Variants in DYNC1H1 observed in about 807,000 individuals in gnomAD.
The protein encoded by DYNC1H1 is dynein cytoplasmic 1 heavy chain 1, also known as cytoplasmic dynein 1 heavy chain 1.
A neutral mutation model predicts 527.1 loss-of-function variants in DYNC1H1; 51 were observed. That is an observed-to-expected ratio of 0.10 (90% CI 0.08 to 0.12). DYNC1H1 has a LOEUF of 0.12. Among genes scored for constraint, DYNC1H1 ranks in the 10% least tolerant of loss-of-function variants. The pLI is 1.00. For missense variants in DYNC1H1, 2,771 were observed against 5,971.8 expected (o/e 0.46, Z 17.66); for synonymous variants, 2,189 against 2,278.8 (o/e 0.96, Z 1.12).
At position 102,010,673 on chromosome 14, in the gene DYNC1H1, C is replaced by G. The variant is rs2048248512; in HGVS notation, c.6406-67C>G. 1.2e-6 allele frequency: 2 copies of G among 1,600,106 alleles called. No homozygotes were observed. Among genetic ancestry groups the G allele is most frequent in the Admixed American group, 3.3e-5 (2 of 59,874 alleles). On this transcript the variant is annotated intron_variant, in intron 31 of 77. Coordinates refer to ENST00000360184, the MANE Select transcript of DYNC1H1 (RefSeq NM_001376.5). This position sits in a 1 kb window ranked among gnomAD's most constrained non-coding sequence, Gnocchi z 6.0. ...ACCAACAGTTACTGATCACGCACCT[C>G]CTGGGGATGCAGCGGGCAGTACTTG... is the stretch of plus-strand genomic sequence containing the variant.
chr14:101,995,142 C>T (rs1436382470), intron 14 of DYNC1H1, 39 bp from the exon 15 acceptor site: 1 of 1,614,178 alleles, frequency 6.2e-7, no homozygotes, highest in Admixed American at 1.7e-5. Context: ...ACTGGTGAAC[C>T]CCAGCTCTGT....
In DYNC1H1 at chr14:101,997,246, C is replaced by G. The variant is rs775771488; in HGVS notation, c.3776C>G (p.Thr1259Ser). The G allele has an allele frequency of 6.2e-7, 1 of 1,614,104 alleles. No homozygotes were observed. Among genetic ancestry groups the G allele is most frequent in the Non-Finnish European group, 8.5e-7 (1 of 1,180,010 alleles). The change falls in exon 16 of 78, where the codon ACT (threonine) becomes AGT (serine). Residue 1259 changes from threonine (T) to serine (S), a missense_variant. Physicochemically the swap from Thr to Ser is moderately conservative, Grantham distance 58. Transcript: ENST00000360184. This position sits in a 1 kb window ranked among gnomAD's most constrained non-coding sequence, Gnocchi z 4.8. ...GAAAGCCGCACCACCGACCTGCTGACTGACTGGGAGAAGACCAAGCCTGTC... is the reference window on the plus strand; with the variant it reads ...GAAAGCCGCACCACCGACCTGCTGAGTGACTGGGAGAAGACCAAGCCTGTC... The part of the protein sequence containing the change: ...AVESRTTDLL[T>S]DWEKTKPVTG...
chr14:102,015,141 G>A lies in DYNC1H1; in HGVS notation c.7051G>A (p.Ala2351Thr). Residue 2351 changes from alanine to threonine, a missense_variant, in exon 35 of 78, where the codon GCG becomes ACG. This residue lies in a region of DYNC1H1 where 56 missense variants were observed against 183.8 expected (regional missense o/e 0.30). Transcript: ENST00000360184. The surrounding 1 kb of genome is among the most constrained non-coding windows in gnomAD (Gnocchi z 6.9). ...GTTTGAGGTACAGGACTTGAAATAC[G>A]CGACCTTGGCCACAGTGTCGCGCTG... ...IMFEVQDLKYATLATVSRCGM... is the reference protein window; with the variant it reads ...IMFEVQDLKYTTLATVSRCGM... The A allele has an allele frequency of 1.2e-6, 2 of 1,614,196 alleles. No individual in the cohort carries two copies. The highest frequency in any genetic ancestry group is 1.7e-6 in the Non-Finnish European group (2 of 1,180,036).
rs2048842102 is a variant in DYNC1H1 at position 102,053,428 on chromosome 14, AATT to A, written c.*2866_*2868del. The A allele has an allele frequency of 6.9e-6, 1 of 144,544 alleles. No homozygotes were observed. Among genetic ancestry groups the A allele is most frequent in the East Asian group, 2.1e-4 (1 of 4,782 alleles). The allele number at this position is 144,544 out of a possible 1,614,324, so 9.0% of individuals were successfully genotyped here. A position where few individuals can be genotyped will look rare whatever the true frequency, so the allele number is the denominator to read the frequency against. On this transcript the variant is annotated 3_prime_UTR_variant, in exon 78 of 78. Transcript: ENST00000360184. ...AGGTGTGAGCCACCACGCCTGGCCGAATTTTTATTTGTTTTTTGTTTGTTTTTG... is the reference window on the plus strand; with the variant it reads ...AGGTGTGAGCCACCACGCCTGGCCGATTTATTTGTTTTTTGTTTGTTTTTG...
In DYNC1H1 at chr14:102,011,605, T is replaced by G. The variant is rs148532184; in HGVS notation, c.6619-270T>G. ...AGCTGGGGAGTTTCAGTACTTGCCT[T>G]TAATAATCCATAGATAGGCGCTTGT... On this transcript the variant is annotated intron_variant, in intron 32 of 77. Transcript: ENST00000360184. This position sits in a 1 kb window ranked among gnomAD's most constrained non-coding sequence, Gnocchi z 5.3. The G allele has an allele frequency of 6.1e-4, 283 of 461,784 alleles. 1 individual carries two copies. The highest frequency in any genetic ancestry group is 5.1e-3 in the African/African-American group (257 of 50,646). The allele number at this position is 461,784 out of a possible 1,614,324, so 28.6% of individuals were successfully genotyped here.
At position 101,975,771 on chromosome 14, in the gene DYNC1H1, G is replaced by A; in HGVS notation, c.316G>A (p.Asp106Asn). Reference sequence around the variant, plus strand: ...ATTCATTTCCTATAACATCAACATAGACATTCATTATGGGGTTAAATCCAA... The same window carrying A: ...ATTCATTTCCTATAACATCAACATAAACATTCATTATGGGGTTAAATCCAA... ...KEFISYNINI[D>N]IHYGVKSNSL... The change falls in exon 2 of 78, where the codon GAC (aspartate) becomes AAC (asparagine). Residue 106 changes from aspartate to asparagine, a missense_variant. By Grantham distance (23) the Asp-to-Asn change is conservative (BLOSUM62 1). Coordinates refer to ENST00000360184, the MANE Select transcript of DYNC1H1 (RefSeq NM_001376.5). 1 of 1,613,460 alleles carries A rather than the reference G, an allele frequency of 6.2e-7. No individual in the cohort carries two copies. Among genetic ancestry groups the A allele is most frequent in the Admixed American group, 1.7e-5 (1 of 60,012 alleles).
At position 102,039,048 on chromosome 14, in the gene DYNC1H1, G is replaced by T; in HGVS notation, c.11254G>T (p.Ala3752Ser). Residue 3752 changes from alanine to serine, a missense_variant, in exon 60 of 78, where the codon GCT becomes TCT. Coordinates refer to ENST00000360184, the MANE Select transcript of DYNC1H1 (RefSeq NM_001376.5). This position sits in a 1 kb window ranked among gnomAD's most constrained non-coding sequence, Gnocchi z 7.0. ...TCAGCTGGAAAAATCTCTACTACAA[G>T]CTCTGAACGAGGTGAAAGGGCGCAT... is the stretch of plus-strand genomic sequence containing the variant. ...LRQLEKSLLQ[A>S]LNEVKGRILD... The T allele has an allele frequency of 6.2e-7, 1 of 1,614,200 alleles. No individual in the cohort carries two copies. The highest frequency in any genetic ancestry group is 8.5e-7 in the Non-Finnish European group (1 of 1,180,036).
intron 10 of DYNC1H1, among the ~76,000 whole-genome samples, 181 bp downstream of exon 10, chr14:101,989,033 G>A (rs1166714722): frequency 6.6e-6 from 1 of 152,190 alleles, no homozygotes; most frequent in Non-Finnish European, 1.5e-5. Flanking sequence ...GATGTGATGC[G>A]ATGGGAAGGG....
In DYNC1H1 at chr14:102,052,626, TTC is replaced by T. The variant is rs1460843461; in HGVS notation, c.*2070_*2071del. The T allele has an allele frequency of 6.6e-6, 1 of 152,260 alleles. No homozygotes were observed. Among genetic ancestry groups the T allele is most frequent in the Non-Finnish European group, 1.5e-5 (1 of 68,116 alleles). 9.4% of individuals were successfully genotyped at this position (152,260 alleles called of 1,614,324 possible). A position where few individuals can be genotyped will look rare whatever the true frequency, so the allele number is the denominator to read the frequency against. On this transcript the variant is annotated 3_prime_UTR_variant, in exon 78 of 78. Transcript: ENST00000360184. ...TGGAGAAGGAGATTCTGGGCCCCTT[TTC>T]TCTCTCCCAAACCTAGGTGGTGGCC...
At chr14:101,988,453 A>G (rs569605762) in intron 9 of DYNC1H1, among the ~76,000 whole-genome samples, 3 of 152,308 alleles carry the variant, frequency 2.0e-5, no homozygotes, top group Non-Finnish European at 4.4e-5. Context: ...GGGGAGGAGG[A>G]TATTTTATAG....
chr14:102,030,398 C>T, intron 51 of DYNC1H1, 116 bp downstream of exon 51: 1 of 1,497,676 alleles, frequency 6.7e-7, no homozygotes, highest in Non-Finnish European at 9.2e-7. Context: ...TTCTGGTTTC[C>T]AAAAATATCA....
At chr14:102,000,538 A>T (rs2048117467) in intron 18 of DYNC1H1, 139 bp downstream of exon 18, 8 of 737,782 alleles carry the variant, frequency 1.1e-5, no homozygotes, top group Non-Finnish European at 1.9e-5. Flanking sequence ...CATTTACATT[A>T]TTCGTCCAAA....
At chr14:101,987,338 G>A (rs1431706207) in intron 8 of DYNC1H1, 115 bp from the exon 9 acceptor site, 11 of 1,198,936 alleles carry the variant, frequency 9.2e-6, no homozygotes, top group African/African-American at 1.5e-5. Context: ...GCTACTTATG[G>A]AAGAACTGTG....
intron 2 of DYNC1H1, among the ~76,000 whole-genome samples, chr14:101,978,714 A>T (rs933055192): frequency 1.3e-5 from 2 of 152,212 alleles, no homozygotes; most frequent in Non-Finnish European, 2.9e-5. Flanking sequence ...CAATGGAAAC[A>T]TGAAGACTGG....
intron 50 of DYNC1H1, 95 bp downstream of exon 50, chr14:102,030,033 A>G (rs1028903246): frequency 1.2e-6 from 2 of 1,603,496 alleles, no homozygotes; most frequent in African/African-American, 2.8e-5. Flanking sequence ...TCTTAGGGTT[A>G]GAGAGAGGGA....
At chr14:102,006,231 C>G in intron 27 of DYNC1H1, 61 bp downstream of exon 27, 2 of 1,598,458 alleles carry the variant, frequency 1.3e-6, no homozygotes, top group South Asian at 1.1e-5. Context: ...AAAGATAAAG[C>G]TAATGATTTG....
intron 10 of DYNC1H1, among the ~76,000 whole-genome samples, chr14:101,989,809 T>C (rs1199981557): frequency 3.3e-5 from 5 of 152,202 alleles, no homozygotes; most frequent in African/African-American, 4.8e-5. Context: ...GTTTCTAAAT[T>C]GATACAATTA....
At position 102,049,796 on chromosome 14, in the gene DYNC1H1, G is replaced by A. The variant is rs2048779376; in HGVS notation, c.13598G>A (p.Ser4533Asn). Residue 4533 changes from serine (S) to asparagine (N), a missense_variant, in exon 76 of 78, where the codon AGC (serine) becomes AAC (asparagine). Coordinates refer to ENST00000360184, the MANE Select transcript of DYNC1H1 (RefSeq NM_001376.5). The surrounding 1 kb of genome is among the most constrained non-coding windows in gnomAD (Gnocchi z 5.5). ...AGGCAGTATGTGGCCCAGGCCAACA[G>A]CTGGTCCCTGGAGGAGCTCTGCCTG... is the stretch of plus-strand genomic sequence containing the variant. ...ATRQYVAQAN[S>N]WSLEELCLEV... The A allele has an allele frequency of 6.2e-7, 1 of 1,613,800 alleles. No individual in the cohort carries two copies. The highest frequency in any genetic ancestry group is 8.5e-7 in the Non-Finnish European group (1 of 1,180,052).
rs760597231 is a variant in DYNC1H1 at position 102,022,739 on chromosome 14, C to T, written c.8508-12C>T. The T allele has an allele frequency of 6.2e-7, 1 of 1,613,944 alleles. No individual in the cohort carries two copies. ...TCTAGTTACCTAAATGCACATGCTG[C>T]TCTCCCCACAGACTCGTAGAGGATG... On this transcript the variant is annotated splice_polypyrimidine_tract_variant and intron_variant, in intron 42 of 77. Coordinates refer to ENST00000360184, the MANE Select transcript of DYNC1H1 (RefSeq NM_001376.5).
Sources: gnomAD v4.1 joint callset for allele counts (sites outside exome capture counted in the v4.1 genomes callset) on GRCh38, gnomAD v4.1.1 for gene constraint, gnomAD v4.1.1 regional missense constraint, Gnocchi (gnomAD v3.1) non-coding constraint, MANE v1.5 for transcripts, NCBI Gene and HGNC (gene_info 2026-07-23, HGNC 2026-07-21) for gene names.